The following FAM117B variants were observed in gnomAD, a reference collection of about 807,000 sequenced individuals.
The protein encoded by FAM117B is family with sequence similarity 117 member B.
Under a neutral mutation model 52.8 loss-of-function variants are expected in FAM117B, and 22 were observed. The ratio of observed to expected loss-of-function variants is 0.42; its 90% CI spans 0.30 to 0.59. The LOEUF is 0.59. Among genes scored for constraint, FAM117B ranks in the 20% least tolerant of loss-of-function variants. FAM117B has a pLI of 0.22. For missense variants in FAM117B, 678 were observed against 802.6 expected (o/e 0.84, Z 1.88); for synonymous variants, 309 against 324.1 (o/e 0.95, Z 0.50).
chr2:202,718,961 C>T (rs576437202), intron 2 of FAM117B, among the ~76,000 whole-genome samples: 1 of 152,302 alleles, frequency 6.6e-6, no homozygotes, highest in East Asian at 1.9e-4. Context: ...AGAATAAGAG[C>T]TGTATTTCCT....
At chr2:202,677,877 T>C (rs1418497334) in intron 1 of FAM117B, among the ~76,000 whole-genome samples, 1 of 152,218 alleles carries the variant, frequency 6.6e-6, no homozygotes, top group Admixed American at 6.5e-5. Flanking sequence ...AGCAGTTTGC[T>C]CAATGCCTAA....
At chr2:202,662,197 C>G (rs1690141377) in intron 1 of FAM117B, among the ~76,000 whole-genome samples, 1 of 151,804 alleles carries the variant, frequency 6.6e-6, no homozygotes, top group Non-Finnish European at 1.5e-5. Flanking sequence ...AAATACCATT[C>G]AGCCATAAAA....
intron 1 of FAM117B, among the ~76,000 whole-genome samples, chr2:202,664,649 G>C (rs138827061): frequency 2.6e-5 from 4 of 152,242 alleles, no homozygotes; most frequent in African/African-American, 9.6e-5. Flanking sequence ...ACATGATTGA[G>C]TCCTGTTTAA....
At chr2:202,735,224 A>AAGAT (rs1414978114) in intron 4 of FAM117B, among the ~76,000 whole-genome samples, 1 of 152,036 alleles carries the variant, frequency 6.6e-6, no homozygotes, top group African/African-American at 2.4e-5. Context: ...TTCTTTTCCC[A>AAGAT]AGATAGGTTT....
At chr2:202,755,199 T>C (rs1311928709) in intron 4 of FAM117B, among the ~76,000 whole-genome samples, 3 of 152,170 alleles carry the variant, frequency 2.0e-5, no homozygotes, top group African/African-American at 7.2e-5. Flanking sequence ...ATTGTGGCAC[T>C]AGGAGAGTTT....
At chr2:202,763,179 C>T (rs900134215) in intron 7 of FAM117B, among the ~76,000 whole-genome samples, 3 of 149,856 alleles carry the variant, frequency 2.0e-5, no homozygotes, top group African/African-American at 7.4e-5. Flanking sequence ...TCGCGCCATT[C>T]TCCTGCCTCA....
At chr2:202,751,596 C>T (rs1691722685) in intron 4 of FAM117B, among the ~76,000 whole-genome samples, 1 of 151,940 alleles carries the variant, frequency 6.6e-6, no homozygotes, top group Non-Finnish European at 1.5e-5. Flanking sequence ...TGCGAAACCT[C>T]ATCATCTCTA....
intron 1 of FAM117B, among the ~76,000 whole-genome samples, chr2:202,694,380 G>A (rs369264623): frequency 2.0e-5 from 3 of 151,280 alleles, no homozygotes; most frequent in Admixed American, 6.6e-5. Context: ...TAGTAGAGAC[G>A]GGGTTTCGCC....
intron 2 of FAM117B, among the ~76,000 whole-genome samples, chr2:202,697,552 T>TC (rs965749114): frequency 4.0e-5 from 6 of 151,322 alleles, no homozygotes; most frequent in African/African-American, 1.5e-4. Context: ...TTTCTTTCTT[T>TC]TTTTTTTTTT....
Position 202,732,182 on chromosome 2 carries a change from C to T in FAM117B, c.960+5819C>T, listed in dbSNP as rs560046704. On this transcript the variant is annotated intron_variant, in intron 4 of 7. Transcript: ENST00000392238. Reference sequence around the variant, plus strand: ...CCGGGATTACAGGCGTGAGCCACCGCGCCTGGCTGGAACTTTGATATATTA... The same window carrying T: ...CCGGGATTACAGGCGTGAGCCACCGTGCCTGGCTGGAACTTTGATATATTA... Among the ~76,000 whole-genome samples, 111 of 152,124 alleles carry T rather than the reference C, an allele frequency of 7.3e-4. 2 individuals are homozygous for T. The South Asian group carries it at 0.019, about 26-fold the overall frequency.
In FAM117B at chr2:202,765,568, C is replaced by T. The variant is rs759695352; in HGVS notation, c.1574C>T (p.Pro525Leu). Residue 525 changes from proline to leucine, a missense_variant, in exon 8 of 8, where the codon CCG becomes CTG. Pro to Leu is a moderately conservative substitution (Grantham distance 98). Transcript: ENST00000392238. ...ATCCTCAAGCCACTCCTTCCTACCC[C>T]GGATCTTACACTCAAGGGCTCTGGC... ...VSILKPLLPT[P>L]DLTLKGSGHS... 8 of 1,613,984 alleles carry T rather than the reference C, an allele frequency of 5.0e-6. No individual in the cohort carries two copies. Among genetic ancestry groups the T allele is most frequent in the African/African-American group, 1.3e-5 (1 of 74,870 alleles).
chr2:202,749,003 CTG>C (rs1287999404), intron 4 of FAM117B, among the ~76,000 whole-genome samples: 1 of 151,896 alleles, frequency 6.6e-6, no homozygotes, highest in Non-Finnish European at 1.5e-5. Flanking sequence ...AATATAAAAA[CTG>C]AAGGAATGAG....
At chr2:202,666,539 A>G (rs754392786) in intron 1 of FAM117B, among the ~76,000 whole-genome samples, 26 of 151,698 alleles carry the variant, frequency 1.7e-4, no homozygotes, top group Non-Finnish European at 3.1e-4. Context: ...GTATGTTTAT[A>G]TTTTGACACT....
intron 1 of FAM117B, among the ~76,000 whole-genome samples, chr2:202,695,415 A>G (rs1439287146): frequency 6.6e-6 from 1 of 152,130 alleles, no homozygotes; most frequent in Non-Finnish European, 1.5e-5. Context: ...CCCACCAGGA[A>G]CGTGAATCAT....
intron 4 of FAM117B, among the ~76,000 whole-genome samples, chr2:202,750,631 C>T (rs1691707495): frequency 6.6e-6 from 1 of 152,322 alleles, no homozygotes; most frequent in South Asian, 2.1e-4. Context: ...CATCCATATA[C>T]CAGCCTTGTT....
chr2:202,642,022 A>G (rs1190375875), intron 1 of FAM117B, among the ~76,000 whole-genome samples: 2 of 145,810 alleles, frequency 1.4e-5, no homozygotes, highest in Non-Finnish European at 3.0e-5. Flanking sequence ...GGCTTACTGC[A>G]ACCTCCGCCT....
chr2:202,702,490 C>T (rs557436018), intron 2 of FAM117B, among the ~76,000 whole-genome samples: 86 of 152,304 alleles, frequency 5.6e-4, no homozygotes, highest in African/African-American at 1.8e-3. Flanking sequence ...AGTCAGCAGC[C>T]GTTAACATCA....
chr2:202,748,530 A>G (rs1230868269), intron 4 of FAM117B, among the ~76,000 whole-genome samples: 1 of 152,190 alleles, frequency 6.6e-6, no homozygotes, highest in Non-Finnish European at 1.5e-5. Context: ...TATTCATCCA[A>G]CAAGGAACTA....
At chr2:202,655,798 T>G (rs527909926) in intron 1 of FAM117B, among the ~76,000 whole-genome samples, 5 of 144,608 alleles carry the variant, frequency 3.5e-5, no homozygotes, top group African/African-American at 5.2e-5. Context: ...AAGACTAGTT[T>G]AGTGTGGTAA....
Sources: gnomAD v4.1 joint callset for allele counts (sites outside exome capture counted in the v4.1 genomes callset) on GRCh38, gnomAD v4.1.1 for gene constraint, MANE v1.5 for transcripts, NCBI Gene and HGNC (gene_info 2026-07-23, HGNC 2026-07-21) for gene names.